Variants in APP observed in about 807,000 individuals in gnomAD.
APP encodes the protein amyloid-beta precursor protein.
Under a neutral mutation model 101.4 loss-of-function variants are expected in APP, and 31 were observed. The observed-to-expected ratio is 0.31, with a 90% CI of 0.23 to 0.41. APP has a LOEUF of 0.41. APP is among the 10% of genes least tolerant of loss of function. The probability of loss-of-function intolerance (pLI) is 1.00; values close to 1 mark genes in which losing one functional copy is unlikely to be tolerated. For synonymous variants in APP, 366 were observed against 364.4 expected (o/e 1.00, Z -0.05); for missense variants, 839 against 1,003.7 (o/e 0.84, Z 2.22).
chr21:26,131,327 T>C (rs1445349733), intron 1 of APP, among the ~76,000 whole-genome samples: 2 of 152,140 alleles, frequency 1.3e-5, no homozygotes, highest in East Asian at 1.9e-4. Flanking sequence ...ACAAAACACT[T>C]CATTATTTAC....
At chr21:25,891,937 A>G (rs1158533103) in intron 16 of APP, 69 bp from the exon 17 acceptor site, 4 of 1,470,608 alleles carry the variant, frequency 2.7e-6, no homozygotes, top group Non-Finnish European at 3.7e-6. Flanking sequence ...TATAAACGCA[A>G]TTAGAAGAAT....
chr21:26,120,113 G>A (rs939895434), intron 1 of APP, among the ~76,000 whole-genome samples: 2 of 152,106 alleles, frequency 1.3e-5, no homozygotes, highest in African/African-American at 4.8e-5. Flanking sequence ...TATAATAAAT[G>A]GTTATTGTTC....
chr21:25,932,633 A>T lies in APP; in HGVS notation c.1688-20671T>A, dbSNP rs192532655. On this transcript the variant is annotated intron_variant, in intron 13 of 17. Transcript: ENST00000346798. ...TGAAAATTTACACAAAATTCTAGAA[A>T]TGTATTTTCTTTAAGATAGTTACTT... is the stretch of plus-strand genomic sequence containing the variant. Among the ~76,000 whole-genome samples, 373 of 152,268 alleles carry T rather than the reference A, an allele frequency of 2.4e-3. 2 individuals are homozygous for T. Among genetic ancestry groups the T allele is most frequent in the African/African-American group, 8.5e-3 (353 of 41,536 alleles).
intron 8 of APP, among the ~76,000 whole-genome samples, chr21:25,992,614 C>A (rs113991136): frequency 0.023 from 3,467 of 152,162 alleles, 139 homozygotes; most frequent in African/African-American, 0.079. Context: ...CAGTTCCTTT[C>A]AATTTTAGGG....
intron 1 of APP, among the ~76,000 whole-genome samples, chr21:26,154,482 C>T (rs2063336221): frequency 1.3e-5 from 2 of 152,148 alleles, no homozygotes; most frequent in Non-Finnish European, 2.9e-5. Flanking sequence ...TACTAGTCCA[C>T]AGAGAGGTTG....
intron 1 of APP, among the ~76,000 whole-genome samples, chr21:26,125,019 A>C (rs895314929): frequency 6.6e-6 from 1 of 152,256 alleles, no homozygotes; most frequent in Non-Finnish European, 1.5e-5. Flanking sequence ...GGTACACCGA[A>C]GAGCTCTCAG....
chr21:26,104,585 C>A (rs1485397396), intron 2 of APP, among the ~76,000 whole-genome samples: 3 of 152,076 alleles, frequency 2.0e-5, no homozygotes, highest in East Asian at 3.9e-4. Flanking sequence ...TTCTCTTGAA[C>A]CTTGCCCTTG....
intron 2 of APP, among the ~76,000 whole-genome samples, chr21:26,100,974 A>G (rs2062041794): frequency 6.6e-6 from 1 of 152,080 alleles, no homozygotes; most frequent in African/African-American, 2.4e-5. Flanking sequence ...AAGTTACCAG[A>G]GACATCAACA....
At chr21:26,064,872 G>C (rs1309628829) in intron 3 of APP, among the ~76,000 whole-genome samples, 1 of 152,094 alleles carries the variant, frequency 6.6e-6, no homozygotes, top group Non-Finnish European at 1.5e-5. Flanking sequence ...GCTGTTGTTT[G>C]AAACAGAGTC....
chr21:26,030,345 T>C (rs2044764701), intron 5 of APP, among the ~76,000 whole-genome samples: 1 of 152,206 alleles, frequency 6.6e-6, no homozygotes, highest in Admixed American at 6.5e-5. Flanking sequence ...AATCTGAATA[T>C]GGACATGGTA....
At chr21:25,882,109 C>T (rs1358916008) in intron 17 of APP, among the ~76,000 whole-genome samples, 1 of 151,890 alleles carries the variant, frequency 6.6e-6, no homozygotes, top group Admixed American at 6.6e-5. Flanking sequence ...AAAGGACAAA[C>T]AGAGTCAACG....
chr21:25,948,679 T>C (rs1177664859), intron 13 of APP, among the ~76,000 whole-genome samples: 1 of 152,232 alleles, frequency 6.6e-6, no homozygotes, highest in Admixed American at 6.5e-5. Flanking sequence ...AACAGCCATC[T>C]CTGAAAAGAG....
chr21:26,149,601 T>C (rs1013108796), intron 1 of APP, among the ~76,000 whole-genome samples: 8 of 152,230 alleles, frequency 5.3e-5, no homozygotes, highest in Non-Finnish European at 8.8e-5. Flanking sequence ...AAATCTGAAC[T>C]AAGTATAATA....
chr21:25,975,550 CT>C (rs2042194650), intron 10 of APP, among the ~76,000 whole-genome samples: 2 of 148,922 alleles, frequency 1.3e-5, no homozygotes, highest in African/African-American at 5.2e-5. Flanking sequence ...AAAAATCCCT[CT>C]CTTACTAACA....
intron 11 of APP, among the ~76,000 whole-genome samples, chr21:25,962,101 C>A (rs1266946728): frequency 6.6e-6 from 1 of 152,066 alleles, no homozygotes; most frequent in Admixed American, 6.6e-5. Context: ...TATACCGAAT[C>A]CTATTTATTG....
intron 9 of APP, among the ~76,000 whole-genome samples, chr21:25,978,084 G>C (rs1209495032): frequency 6.6e-6 from 1 of 152,124 alleles, no homozygotes; most frequent in Non-Finnish European, 1.5e-5. Flanking sequence ...TAAGAAACTG[G>C]ACTTTAAGCT....
intron 1 of APP, among the ~76,000 whole-genome samples, chr21:26,119,089 C>A (rs936954117): frequency 2.6e-5 from 4 of 152,078 alleles, no homozygotes; most frequent in African/African-American, 4.8e-5. Flanking sequence ...ACTTCCACAT[C>A]TATTTAGATA....
At chr21:26,044,554 T>C (rs1412918689) in intron 5 of APP, among the ~76,000 whole-genome samples, 1 of 151,758 alleles carries the variant, frequency 6.6e-6, no homozygotes, top group Admixed American at 6.6e-5. Flanking sequence ...TTCTTTCTTT[T>C]TTGAGGTGGA....
chr21:26,074,067 G>A (rs73168326), intron 3 of APP, among the ~76,000 whole-genome samples: 7,816 of 152,188 alleles, frequency 0.051, 266 homozygotes, highest in South Asian at 0.095. Flanking sequence ...GATCTTCAGT[G>A]ACATCCAAAC....
Sources: allele counts gnomAD v4.1 joint callset (sites outside exome capture counted in the v4.1 genomes callset), GRCh38; gene constraint gnomAD v4.1.1; transcripts MANE v1.5; gene names NCBI Gene and HGNC (gene_info 2026-07-23, HGNC 2026-07-21).